Variants in DKK3 observed in about 807,000 individuals in gnomAD.
DKK3 encodes dickkopf Wnt signaling pathway inhibitor 3, also known as dickkopf-related protein 3.
Under a neutral mutation model 33.2 loss-of-function variants are expected in DKK3, and 22 were observed. The observed-to-expected ratio is 0.66, with a 90% CI of 0.47 to 0.95. DKK3 has a LOEUF of 0.95. Among genes scored for constraint, DKK3 ranks in the 40% least tolerant of loss-of-function variants. DKK3 has a pLI of 0.00. For missense variants in DKK3, 398 were observed against 458.4 expected (o/e 0.87, Z 1.20); for synonymous variants, 194 against 188.8 (o/e 1.03, Z -0.23).
upstream of DKK3, chr11:12,008,909 A>C: frequency 1.0e-5 from 11 of 1,075,080 alleles, no homozygotes; most frequent in Non-Finnish European, 1.2e-5. The surrounding 1 kb of genome is among the most constrained non-coding windows in gnomAD (Gnocchi z 4.6). Flanking sequence ...CCGAACCCGG[A>C]TCCTCTACGC....
chr11:12,008,400 C>A lies in DKK3; in HGVS notation c.183G>T (p.Thr61=), dbSNP rs1340672485. Residue 61 remains threonine (T), a synonymous_variant, in exon 1 of 7, where the codon ACG becomes ACT. Coordinates refer to ENST00000683431, the MANE Select transcript of DKK3 (RefSeq NM_001018057.2). This position sits in a 1 kb window ranked among gnomAD's most constrained non-coding sequence, Gnocchi z 4.6. ...CCACCGCGCTGCGCAATTTGTGCTGCGTGTCCTCCATCAGTTCCTCAACCT... is the reference window on the plus strand; with the variant it reads ...CCACCGCGCTGCGCAATTTGTGCTGAGTGTCCTCCATCAGTTCCTCAACCT... ...FREVEELMED[T]QHKLRSAVEE... 6.2e-7 allele frequency: 1 copy of A among 1,608,112 alleles called. No homozygotes were observed. Among genetic ancestry groups the A allele is most frequent in the East Asian group, 2.2e-5 (1 of 44,652 alleles).
intron 3 of DKK3, among the ~76,000 whole-genome samples, chr11:11,978,522 T>TA (rs1413073650): frequency 6.6e-6 from 1 of 151,968 alleles, no homozygotes; most frequent in Non-Finnish European, 1.5e-5. Flanking sequence ...TTCTTTTTTT[T>TA]ATCGTTTTGT....
At chr11:11,973,688 G>A (rs760486716) in intron 3 of DKK3, among the ~76,000 whole-genome samples, 1 of 152,200 alleles carries the variant, frequency 6.6e-6, no homozygotes, top group Admixed American at 6.5e-5. Flanking sequence ...AGGGCTGACC[G>A]GGAACACAGC....
chr11:12,008,825 C>T (rs1661078514), upstream of DKK3: 5 of 1,169,510 alleles, frequency 4.3e-6, no homozygotes, highest in African/African-American at 3.2e-5. The surrounding 1 kb of genome is among the most constrained non-coding windows in gnomAD (Gnocchi z 4.6). Flanking sequence ...CGCCCCAGGA[C>T]CCCGCACCCC....
intron 3 of DKK3, among the ~76,000 whole-genome samples, chr11:11,977,562 T>C (rs1275431913): frequency 6.6e-6 from 1 of 152,210 alleles, no homozygotes; most frequent in East Asian, 1.9e-4. Flanking sequence ...TTGGCAGCCG[T>C]TGGGAGAGCC....
chr11:11,998,573 GA>G (rs2133322830), intron 3 of DKK3, 122 bp downstream of exon 3: 2 of 838,266 alleles, frequency 2.4e-6, no homozygotes, highest in Non-Finnish European at 4.1e-6. Context: ...AATCTCGGTA[GA>G]AATGAGTCAG....
At chr11:11,993,653 A>G (rs1382662442) in intron 3 of DKK3, among the ~76,000 whole-genome samples, 1 of 152,200 alleles carries the variant, frequency 6.6e-6, no homozygotes, top group Non-Finnish European at 1.5e-5. Flanking sequence ...AATTTTTCTT[A>G]TATATCTTTT....
Position 12,008,450 on chromosome 11 carries a change from C to T in DKK3, c.133G>A (p.Ala45Thr). ...TCGCGGAACATCTCATTGAGGGTGG[C>T]CTCCTCCTGCGGGTAGCTGAGAGCC... ...GPALSYPQEE[A>T]TLNEMFREVE... Residue 45 changes from alanine to threonine, a missense_variant, in exon 1 of 7, where the codon GCC becomes ACC. Ala to Thr is a moderately conservative substitution (Grantham distance 58). Coordinates refer to ENST00000683431, the MANE Select transcript of DKK3 (RefSeq NM_001018057.2). This position sits in a 1 kb window ranked among gnomAD's most constrained non-coding sequence, Gnocchi z 4.6. 1.2e-6 allele frequency: 2 copies of T among 1,610,670 alleles called. No homozygotes were observed.
chr11:11,988,214 T>G (rs1223643010), intron 3 of DKK3, among the ~76,000 whole-genome samples: 1 of 152,218 alleles, frequency 6.6e-6, no homozygotes, highest in African/African-American at 2.4e-5. Context: ...AAAATGAAAC[T>G]GACAGTAGAC....
chr11:11,998,249 G>C (rs980829081), intron 3 of DKK3: 1 of 213,404 alleles, frequency 4.7e-6, no homozygotes, highest in Non-Finnish European at 9.2e-6. Flanking sequence ...TGAAATGGAC[G>C]GACAGCCTTT....
intron 3 of DKK3, among the ~76,000 whole-genome samples, chr11:11,980,284 G>C (rs1373153771): frequency 3.3e-5 from 5 of 152,256 alleles, no homozygotes; most frequent in African/African-American, 4.8e-5. Flanking sequence ...AGTGAGGTCA[G>C]AATTTAGTTA....
At chr11:11,975,396 A>G (rs1439904631) in intron 3 of DKK3, among the ~76,000 whole-genome samples, 2 of 152,226 alleles carry the variant, frequency 1.3e-5, no homozygotes, top group East Asian at 3.8e-4. Context: ...AGCCCCGTAC[A>G]CATTCTAGTC....
chr11:11,968,408 C>G lies in DKK3; in HGVS notation c.515G>C (p.Arg172Pro). ...ASFQYTCQPC[R>P]GQRMLCTRDS... ...TGGCATACTCACCATCCTCTGGCCCCGGCATGGCTGGCAGGTGTACTGGAA... is the reference window on the plus strand; with the variant it reads ...TGGCATACTCACCATCCTCTGGCCCGGGCATGGCTGGCAGGTGTACTGGAA... The change falls in exon 4 of 7, where the codon CGG becomes CCG. Residue 172 changes from arginine to proline, a missense_variant. By Grantham distance (103) the Arg-to-Pro change is moderately radical. Transcript: ENST00000683431. 1 of 1,612,822 alleles carries G rather than the reference C, an allele frequency of 6.2e-7. No individual in the cohort carries two copies. The highest frequency in any genetic ancestry group is 2.2e-5 in the East Asian group (1 of 44,770).
intron 3 of DKK3, among the ~76,000 whole-genome samples, chr11:11,989,589 A>AG (rs897116002): frequency 1.3e-5 from 2 of 152,152 alleles, no homozygotes; most frequent in Non-Finnish European, 2.9e-5. Context: ...GGATTGCAGG[A>AG]GGGGGGCATT....
At chr11:11,990,066 T>C (rs1260933892) in intron 3 of DKK3, among the ~76,000 whole-genome samples, 1 of 152,198 alleles carries the variant, frequency 6.6e-6, no homozygotes, top group Non-Finnish European at 1.5e-5. Context: ...TTTTTTGGAA[T>C]GATGCCAACA....
chr11:11,981,317 T>C (rs1414234865), intron 3 of DKK3, among the ~76,000 whole-genome samples: 1 of 152,116 alleles, frequency 6.6e-6, no homozygotes, highest in African/African-American at 2.4e-5. Context: ...GCCAGGAGCT[T>C]GGGTGAAAAG....
rs373617744 is a variant in DKK3, at chr11:12,002,429, T to C, written c.222A>G (p.Ala74=). 1.9e-6 allele frequency: 3 copies of C among 1,613,314 alleles called. No individual in the cohort carries two copies. Among genetic ancestry groups the C allele is most frequent in the African/African-American group, 2.7e-5 (2 of 74,874 alleles). ...ATGATGCTTTAGCAGCAGCTTCTTCTGCCTCCATCTATTAAATCGATGAAT... is the reference window on the plus strand; with the variant it reads ...ATGATGCTTTAGCAGCAGCTTCTTCCGCCTCCATCTATTAAATCGATGAAT... ...KLRSAVEEME[A]EEAAAKASSE... is the part of the protein sequence containing the mutation. The change falls in exon 2 of 7, where the codon GCA becomes GCG. Residue 74 remains alanine, a synonymous_variant. Coordinates refer to ENST00000683431, the MANE Select transcript of DKK3 (RefSeq NM_001018057.2).
chr11:11,993,686 C>G (rs566260510), intron 3 of DKK3, among the ~76,000 whole-genome samples: 1 of 152,194 alleles, frequency 6.6e-6, no homozygotes, highest in Non-Finnish European at 1.5e-5. Context: ...TGCAAGTGGG[C>G]CTTATATTTA....
intron 3 of DKK3, among the ~76,000 whole-genome samples, chr11:11,989,689 T>C (rs190759015): frequency 3.9e-5 from 6 of 152,350 alleles, no homozygotes; most frequent in African/African-American, 1.4e-4. Context: ...CTGAATTATA[T>C]GTGTCAACAT....
Sources: gnomAD v4.1 joint callset for allele counts (sites outside exome capture counted in the v4.1 genomes callset) on GRCh38, gnomAD v4.1.1 for gene constraint, Gnocchi (gnomAD v3.1) non-coding constraint, MANE v1.5 for transcripts, NCBI Gene and HGNC (gene_info 2026-07-23, HGNC 2026-07-21) for gene names.